The following DSCAML1 variants were observed in gnomAD, a reference collection of about 807,000 sequenced individuals.
DSCAML1 encodes the protein DS cell adhesion molecule like 1.
A neutral mutation model predicts 200.5 loss-of-function variants in DSCAML1; 38 were observed. The observed-to-expected ratio is 0.19, with a 90% CI of 0.15 to 0.25. The LOEUF (loss-of-function observed/expected upper bound fraction) is 0.25. Among genes scored for constraint, DSCAML1 ranks in the 10% least tolerant of loss-of-function variants. DSCAML1 has a pLI of 1.00. For missense variants in DSCAML1, 2,223 were observed against 2,858.8 expected, an observed-to-expected ratio of 0.78 and a Z score of 5.07; for synonymous variants, 1,215 against 1,165.0, an observed-to-expected ratio of 1.04 and a Z score of -0.87.
intron 3 of DSCAML1, chr11:117,709,604 T>A: frequency 2.3e-6 from 1 of 429,584 alleles, no homozygotes. Flanking sequence ...TGGCTATTTA[T>A]TTCCCCCATT....
chr11:117,456,594 C>T (rs371260658), intron 19 of DSCAML1, among the ~76,000 whole-genome samples: 3 of 151,902 alleles, frequency 2.0e-5, no homozygotes, highest in South Asian at 2.1e-4. Context: ...CTGGATGAGA[C>T]GTCATCTGAC....
rs908236450 is a variant in DSCAML1 at position 117,461,304 on chromosome 11, C to T, written c.3412+146G>A. 5.2e-5 allele frequency: 60 copies of T among 1,158,316 alleles called. No individual in the cohort carries two copies. In the South Asian group the frequency reaches 6.9e-4, roughly 13 times the overall value. 71.8% of individuals were successfully genotyped at this position (1,158,316 alleles called of 1,614,324 possible). ...GGCCCCTATAGCCATTATCGCCCCC[C>T]GTGGTCTCCCCGTGTGGAGAAGAGG... On this transcript the variant is annotated intron_variant, in intron 18 of 32. Transcript: ENST00000651296.
At chr11:117,484,885 CAGTGTGTGTGTG>C (rs1398012350) in intron 11 of DSCAML1, among the ~76,000 whole-genome samples, 1 of 107,784 alleles carries the variant, frequency 9.3e-6, no homozygotes, top group South Asian at 3.4e-4. Context: ...AGCAGAGGAA[CAGTGTGTGTGTG>C]TGTGTGTGTG....
At chr11:117,601,692 G>T (rs1224432404) in intron 3 of DSCAML1, among the ~76,000 whole-genome samples, 1 of 152,220 alleles carries the variant, frequency 6.6e-6, no homozygotes, top group Non-Finnish European at 1.5e-5. Context: ...AATAAGTGCT[G>T]ATTATAAAGG....
intron 3 of DSCAML1, among the ~76,000 whole-genome samples, chr11:117,703,534 C>A (rs989983089): frequency 6.6e-6 from 1 of 152,146 alleles, no homozygotes; most frequent in African/African-American, 2.4e-5. Context: ...CCTTGGTTCC[C>A]AAGTGACAAA....
intron 16 of DSCAML1, among the ~76,000 whole-genome samples, chr11:117,466,189 C>G (rs1592620960): frequency 6.6e-6 from 1 of 152,172 alleles, no homozygotes; most frequent in African/African-American, 2.4e-5. Flanking sequence ...AAGGTGGAAG[C>G]AACTCAAGTG....
At chr11:117,464,717 A>T (rs2048545172) in intron 17 of DSCAML1, among the ~76,000 whole-genome samples, 1 of 152,246 alleles carries the variant, frequency 6.6e-6, no homozygotes, top group South Asian at 2.1e-4. Context: ...GGATGAGCAC[A>T]GCATCGGTCA....
chr11:117,469,883 C>G lies in DSCAML1; in HGVS notation c.3024+27G>C. The G allele has an allele frequency of 6.3e-7, 1 of 1,584,170 alleles. No individual in the cohort carries two copies. Among genetic ancestry groups the G allele is most frequent in the South Asian group, 1.2e-5 (1 of 85,616 alleles). On this transcript the variant is annotated intron_variant, in intron 16 of 32. Transcript: ENST00000651296. This position sits in a 1 kb window ranked among gnomAD's most constrained non-coding sequence, Gnocchi z 4.1. ...GGAGAGAGGAGGCAAGCAGACATTC[C>G]AGGGGAGATGCCTTAGACACACTTA...
At chr11:117,474,431 C>T (rs1165295240) in intron 14 of DSCAML1, among the ~76,000 whole-genome samples, 1 of 152,224 alleles carries the variant, frequency 6.6e-6, no homozygotes, top group Non-Finnish European at 1.5e-5. Flanking sequence ...AGGCTTCCTT[C>T]TCTCTTGCCA....
At chr11:117,508,567 C>T (rs547964518) in intron 8 of DSCAML1, among the ~76,000 whole-genome samples, 6 of 152,060 alleles carry the variant, frequency 3.9e-5, no homozygotes, top group East Asian at 1.9e-4. Flanking sequence ...TGCTGCTCCT[C>T]GAGATGCTTT....
chr11:117,803,158 A>T (rs1218430292), intron 1 of DSCAML1, among the ~76,000 whole-genome samples: 1 of 152,006 alleles, frequency 6.6e-6, no homozygotes, highest in Admixed American at 6.6e-5. Flanking sequence ...GGCTTGCAGG[A>T]ACACTCCTAT....
intron 3 of DSCAML1, among the ~76,000 whole-genome samples, chr11:117,557,546 A>C (rs1476769227): frequency 6.6e-6 from 1 of 152,208 alleles, no homozygotes; most frequent in Non-Finnish European, 1.5e-5. Flanking sequence ...GCAGAAAACA[A>C]GGGAGAGGCC....
At chr11:117,757,375 T>A (rs753288242) in intron 3 of DSCAML1, among the ~76,000 whole-genome samples, 2 of 152,098 alleles carry the variant, frequency 1.3e-5, no homozygotes, top group Non-Finnish European at 2.9e-5. Flanking sequence ...CCATCTAGGA[T>A]CCCAACACAA....
At chr11:117,555,512 T>C (rs910950933) in intron 3 of DSCAML1, among the ~76,000 whole-genome samples, 3 of 152,140 alleles carry the variant, frequency 2.0e-5, no homozygotes, top group Non-Finnish European at 4.4e-5. Context: ...GAGGTTGCAG[T>C]TGAGCTGGGT....
chr11:117,630,018 G>A (rs915496420), intron 3 of DSCAML1, among the ~76,000 whole-genome samples: 2 of 152,042 alleles, frequency 1.3e-5, no homozygotes, highest in Non-Finnish European at 2.9e-5. Flanking sequence ...GAGAGAGATG[G>A]GGAGAAGATT....
intron 3 of DSCAML1, among the ~76,000 whole-genome samples, chr11:117,712,177 C>T (rs911410204): frequency 1.3e-5 from 2 of 151,998 alleles, no homozygotes; most frequent in Non-Finnish European, 2.9e-5. Flanking sequence ...AAGAAGAATA[C>T]GAATGCAACT....
Position 117,494,471 on chromosome 11 carries a change from A to G in DSCAML1, c.2359+9374T>C, listed in dbSNP as rs2049252582. Among the ~76,000 whole-genome samples, 3 of 152,268 alleles carry G rather than the reference A, an allele frequency of 2.0e-5. No individual in the cohort carries two copies. The South Asian group carries it at 6.2e-4, about 32-fold the overall frequency. On this transcript the variant is annotated intron_variant, in intron 11 of 32. Coordinates refer to ENST00000651296, the MANE Select transcript of DSCAML1 (RefSeq NM_020693.4). ...AGAGGGATTTTTTGGCTAGGAAACT[A>G]TTTTGCATTCAGATAGCAGCAGTTA...
intron 27 of DSCAML1, among the ~76,000 whole-genome samples, chr11:117,435,105 G>A (rs1013336619): frequency 2.0e-5 from 3 of 152,246 alleles, no homozygotes; most frequent in Non-Finnish European, 2.9e-5. Context: ...GTGTTAGGCT[G>A]TGGGAAAACT....
At chr11:117,699,346 T>G (rs1472894965) in intron 3 of DSCAML1, among the ~76,000 whole-genome samples, 2 of 151,936 alleles carry the variant, frequency 1.3e-5, no homozygotes, top group Non-Finnish European at 2.9e-5. Context: ...GTCTCGAATG[T>G]GAAGAGGAGT....
Sources: gnomAD v4.1 joint callset for allele counts (sites outside exome capture counted in the v4.1 genomes callset) on GRCh38, gnomAD v4.1.1 for gene constraint, Gnocchi (gnomAD v3.1) non-coding constraint, MANE v1.5 for transcripts, NCBI Gene and HGNC (gene_info 2026-07-23, HGNC 2026-07-21) for gene names.